Variants in DISP3 observed in about 807,000 individuals in gnomAD.
DISP3 encodes the protein dispatched RND transporter family member 3.
In DISP3, 101 loss-of-function variants were observed where a neutral mutation model predicts 135.3. The observed-to-expected ratio is 0.75, with a 90% CI of 0.64 to 0.88. The LOEUF (loss-of-function observed/expected upper bound fraction) is 0.88. Among genes scored for constraint, DISP3 ranks in the 40% least tolerant of loss-of-function variants. The pLI is 0.00. For missense variants in DISP3, 1,713 were observed against 1,878.6 expected, an observed-to-expected ratio of 0.91 and a Z score of 1.63; for synonymous variants, 856 against 817.0, an observed-to-expected ratio of 1.05 and a Z score of -0.81.
At position 11,531,293 on chromosome 1, in the gene DISP3, G is replaced by C. The variant is rs138737367; in HGVS notation, c.3229+260G>C. ...GTGTGTGGGATGGGGGCACATCTGC[G>C]GGAGTAGCTTTTCCAAAATTAGGGG... On this transcript the variant is annotated intron_variant, in intron 16 of 20. Coordinates refer to ENST00000294484, the MANE Select transcript of DISP3 (RefSeq NM_020780.2). The surrounding 1 kb of genome is among the most constrained non-coding windows in gnomAD (Gnocchi z 5.2). Among the ~76,000 whole-genome samples, 1 of 152,144 alleles carries C rather than the reference G, an allele frequency of 6.6e-6. No individual in the cohort carries two copies. The highest frequency in any genetic ancestry group is 1.5e-5 in the Non-Finnish European group (1 of 68,014).
At position 11,531,489 on chromosome 1, in the gene DISP3, G is replaced by T. The variant is rs375529502; in HGVS notation, c.3230-76G>T. On this transcript the variant is annotated intron_variant, in intron 16 of 20. Transcript: ENST00000294484. This position sits in a 1 kb window ranked among gnomAD's most constrained non-coding sequence, Gnocchi z 5.2. ...CTAAGCCTCAGAGGTATGTGAGTGC[G>T]TGGGCACAGGTGTGATGCAGGGGGA... is the stretch of plus-strand genomic sequence containing the variant. 1.3e-6 allele frequency: 2 copies of T among 1,596,866 alleles called. No individual in the cohort carries two copies. The highest frequency in any genetic ancestry group is 1.7e-6 in the Non-Finnish European group (2 of 1,166,478).
intron 5 of DISP3, 71 bp downstream of exon 5, chr1:11,515,574 G>C (rs1641987180): frequency 6.5e-7 from 1 of 1,536,138 alleles, no homozygotes; most frequent in Non-Finnish European, 8.7e-7. Context: ...TTTCTCCCTG[G>C]ATACAAAGCC....
intron 3 of DISP3, among the ~76,000 whole-genome samples, chr1:11,503,574 G>A (rs1450025741): frequency 1.3e-5 from 2 of 152,032 alleles, no homozygotes; most frequent in Admixed American, 6.6e-5. Context: ...GCTCCAGGGG[G>A]GAAAGAGAGA....
Position 11,519,818 on chromosome 1 carries a change from T to C in DISP3, c.2138T>C (p.Leu713Pro), listed in dbSNP as rs573342484. 1 of 1,612,692 alleles carries C rather than the reference T, an allele frequency of 6.2e-7. No individual in the cohort carries two copies. Among genetic ancestry groups the C allele is most frequent in the East Asian group, 2.2e-5 (1 of 44,864 alleles). ...TGSRGHLIVQ[L>P]QELLHHWVLW... ...AGCCGCGGCCATCTCATCGTGCAGCTGCAGGAGCTGCTGCACCACTGGGTC... is the reference window on the plus strand; with the variant it reads ...AGCCGCGGCCATCTCATCGTGCAGCCGCAGGAGCTGCTGCACCACTGGGTC... Residue 713 changes from leucine to proline, a missense_variant, in exon 9 of 21, where the codon CTG becomes CCG. By Grantham distance (98) the Leu-to-Pro change is moderately conservative. Coordinates refer to ENST00000294484, the MANE Select transcript of DISP3 (RefSeq NM_020780.2). This position sits in a 1 kb window ranked among gnomAD's most constrained non-coding sequence, Gnocchi z 4.3.
intron 15 of DISP3, 98 bp from the exon 16 acceptor site, chr1:11,530,809 G>A (rs1286132615): frequency 5.4e-6 from 8 of 1,488,104 alleles, no homozygotes; most frequent in African/African-American, 1.4e-5. Context: ...GTAGCAGGAA[G>A]CTGCTGGAGG....
rs1222613183 is a variant in DISP3 at position 11,520,597 on chromosome 1, C to A, written c.2201-90C>A. 2 of 1,449,044 alleles carry A rather than the reference C, an allele frequency of 1.4e-6. No individual in the cohort carries two copies. Among genetic ancestry groups the A allele is most frequent in the African/African-American group, 2.8e-5 (2 of 71,202 alleles). The allele number at this position is 1,449,044 out of a possible 1,614,324, so 89.8% of individuals were successfully genotyped here. A position where few individuals can be genotyped will look rare whatever the true frequency, so the allele number is the denominator to read the frequency against. On this transcript the variant is annotated intron_variant, in intron 9 of 20. Coordinates refer to ENST00000294484, the MANE Select transcript of DISP3 (RefSeq NM_020780.2). The surrounding 1 kb of genome is among the most constrained non-coding windows in gnomAD (Gnocchi z 4.8). Reference sequence around the variant, plus strand: ...CTTAGGACACCCGCCCCCCAACAACCAGAGCAGTTGTCTCCCGGCACTTTG... The same window carrying A: ...CTTAGGACACCCGCCCCCCAACAACAAGAGCAGTTGTCTCCCGGCACTTTG...
At chr1:11,500,426 A>G (rs1373234558) in intron 1 of DISP3, among the ~76,000 whole-genome samples, 6 of 152,278 alleles carry the variant, frequency 3.9e-5, no homozygotes, top group African/African-American at 1.4e-4. Flanking sequence ...GGCCACTTCT[A>G]TTTTATAGAT....
intron 1 of DISP3, among the ~76,000 whole-genome samples, chr1:11,498,536 C>T (rs1259960469): frequency 6.6e-6 from 1 of 152,140 alleles, no homozygotes; most frequent in Non-Finnish European, 1.5e-5. Flanking sequence ...GCATTCCTTC[C>T]CCTTGAATCT....
At chr1:11,535,744 C>T in intron 20 of DISP3, 100 bp downstream of exon 20, 2 of 1,417,632 alleles carry the variant, frequency 1.4e-6, no homozygotes, top group Non-Finnish European at 1.9e-6. Context: ...CATCCCAGCA[C>T]CAGGACCCCC....
At chr1:11,522,805 ACCCAGCCAGGACCCAGCCAGAG>A (rs1557615490) in intron 10 of DISP3, among the ~76,000 whole-genome samples, 138 of 42,342 alleles carry the variant, frequency 3.3e-3, no homozygotes, top group African/African-American at 0.012. Context: ...CCCAGCCAGG[ACCCAGCCAGGACCCAGCCAGAG>A]CCCAGCCAGG....
At chr1:11,521,931 G>A (rs1642207120) in intron 10 of DISP3, among the ~76,000 whole-genome samples, 1 of 152,162 alleles carries the variant, frequency 6.6e-6, no homozygotes, top group Non-Finnish European at 1.5e-5. Flanking sequence ...GTGCTGTGTG[G>A]AGGTGGACTA....
intron 1 of DISP3, among the ~76,000 whole-genome samples, chr1:11,496,691 G>A (rs1641343803): frequency 6.6e-6 from 1 of 152,232 alleles, no homozygotes; most frequent in African/African-American, 2.4e-5. Context: ...GCTGGCTGAG[G>A]CATTCGTGTT....
At chr1:11,484,124 C>G (rs1640974681) in intron 1 of DISP3, among the ~76,000 whole-genome samples, 1 of 152,230 alleles carries the variant, frequency 6.6e-6, no homozygotes, top group African/African-American at 2.4e-5. Context: ...GCTGCACCCC[C>G]TCTGACATTA....
intron 17 of DISP3, chr1:11,533,537 G>C: frequency 2.0e-6 from 1 of 501,116 alleles, no homozygotes; most frequent in Admixed American, 3.3e-5. Context: ...GATTATAGGC[G>C]TGAGCCACTG....
intron 1 of DISP3, among the ~76,000 whole-genome samples, chr1:11,495,255 G>A (rs574421555): frequency 6.6e-6 from 1 of 152,270 alleles, no homozygotes; most frequent in South Asian, 2.1e-4. Flanking sequence ...GCCAGGCGTG[G>A]TGGTGCATGC....
intron 5 of DISP3, 133 bp downstream of exon 5, chr1:11,515,636 G>A: frequency 7.4e-7 from 1 of 1,347,102 alleles, no homozygotes; most frequent in Admixed American, 2.8e-5. Context: ...GAGCCTTGGA[G>A]TGCAGGGTTA....
chr1:11,485,933 T>C (rs1028080102), intron 1 of DISP3, among the ~76,000 whole-genome samples: 2 of 152,166 alleles, frequency 1.3e-5, no homozygotes, highest in Non-Finnish European at 2.9e-5. Flanking sequence ...TTTCACTTGA[T>C]TTGGGCCTTT....
chr1:11,533,903 C>G (rs532691093), intron 17 of DISP3: 3 of 715,092 alleles, frequency 4.2e-6, no homozygotes, highest in Non-Finnish European at 5.2e-6. Context: ...CCAGGCTGCT[C>G]CTGCCCTTGC....
At position 11,529,947 on chromosome 1, in the gene DISP3, C is replaced by T; in HGVS notation, c.3090C>T (p.Val1030=). ...VNRTRQVDNH[V]IGDPGSVVYD... is the part of the protein sequence containing the mutation. Reference sequence around the variant, plus strand: ...GCACTCGGCAGGTGGACAACCACGTCATTGGAGACCCGGTACGGGGCATGC... The same window carrying T: ...GCACTCGGCAGGTGGACAACCACGTTATTGGAGACCCGGTACGGGGCATGC... The change falls in exon 15 of 21, where the codon GTC becomes GTT. Residue 1030 remains valine (V), a synonymous_variant. Transcript: ENST00000294484. The surrounding 1 kb of genome is among the most constrained non-coding windows in gnomAD (Gnocchi z 4.7). 6.2e-7 allele frequency: 1 copy of T among 1,613,018 alleles called. No individual in the cohort carries two copies. The highest frequency in any genetic ancestry group is 8.5e-7 in the Non-Finnish European group (1 of 1,179,960).
Sources: allele counts gnomAD v4.1 joint callset (sites outside exome capture counted in the v4.1 genomes callset), GRCh38; gene constraint gnomAD v4.1.1; non-coding constraint Gnocchi (gnomAD v3.1); transcripts MANE v1.5; gene names NCBI Gene and HGNC (gene_info 2026-07-23, HGNC 2026-07-21).